The following TMEM178B variants were observed in gnomAD, a reference collection of about 807,000 sequenced individuals.
TMEM178B encodes transmembrane protein 178B.
A neutral mutation model predicts 31.0 loss-of-function variants in TMEM178B; 5 were observed. The ratio of observed to expected loss-of-function variants is 0.16; its 90% CI spans 0.08 to 0.34. The LOEUF (loss-of-function observed/expected upper bound fraction) is 0.34. TMEM178B is among the 10% of genes least tolerant of loss of function. TMEM178B has a pLI of 1.00. For missense variants in TMEM178B, 275 were observed against 400.3 expected, an observed-to-expected ratio of 0.69 and a Z score of 2.67; for synonymous variants, 164 against 164.0, an observed-to-expected ratio of 1.00 and a Z score of 0.00.
intron 1 of TMEM178B, among the ~76,000 whole-genome samples, chr7:141,134,785 AC>A (rs1795648378): frequency 3.3e-5 from 5 of 152,238 alleles, no homozygotes; most frequent in Admixed American, 3.3e-4. Context: ...AACTCACTTC[AC>A]CTGTAAAGAC....
At chr7:141,434,745 T>G (rs1801503091) in intron 2 of TMEM178B, among the ~76,000 whole-genome samples, 1 of 152,344 alleles carries the variant, frequency 6.6e-6, no homozygotes, top group African/African-American at 2.4e-5. Context: ...TGTATGTTTG[T>G]GCCCATTAAC....
intron 2 of TMEM178B, among the ~76,000 whole-genome samples, chr7:141,231,946 C>T (rs992148779): frequency 6.6e-6 from 1 of 152,208 alleles, no homozygotes; most frequent in African/African-American, 2.4e-5. Flanking sequence ...CTTCCTGATG[C>T]TGTCCCTCCC....
At chr7:141,362,504 C>CTT (rs142863722) in intron 2 of TMEM178B, among the ~76,000 whole-genome samples, 1 of 149,786 alleles carries the variant, frequency 6.7e-6, no homozygotes, top group African/African-American at 2.5e-5. Flanking sequence ...AACACATGCA[C>CTT]TTTTTTTTTT....
At chr7:141,162,176 C>G (rs1436662937) in intron 1 of TMEM178B, among the ~76,000 whole-genome samples, 1 of 152,232 alleles carries the variant, frequency 6.6e-6, no homozygotes, top group Non-Finnish European at 1.5e-5. Context: ...AAACAAGAAG[C>G]CATCTCTGAT....
At chr7:141,099,122 C>T (rs1163522122) in intron 1 of TMEM178B, among the ~76,000 whole-genome samples, 1 of 152,186 alleles carries the variant, frequency 6.6e-6, no homozygotes, top group Non-Finnish European at 1.5e-5. Flanking sequence ...GAGATCCCAG[C>T]CTCCTCCTTC....
intron 2 of TMEM178B, among the ~76,000 whole-genome samples, chr7:141,223,479 C>CTTTTTTTTTTTTTTTTTTTTTTTTTTT (rs10680431): frequency 1.5e-5 from 2 of 131,160 alleles, no homozygotes; most frequent in African/African-American, 6.1e-5. Flanking sequence ...TGTTTTCACT[C>CTTTTTTTTTTTTTTTTTTTTTTTTTTT]TTTTTTTTTT....
chr7:141,337,930 C>T (rs1028173517), intron 2 of TMEM178B, among the ~76,000 whole-genome samples: 10 of 152,114 alleles, frequency 6.6e-5, no homozygotes, highest in Middle Eastern at 3.2e-3. Context: ...CTCTGCCTCC[C>T]GGGTTCACAC....
intron 3 of TMEM178B, among the ~76,000 whole-genome samples, chr7:141,467,686 A>G (rs1192120775): frequency 6.6e-6 from 1 of 152,194 alleles, no homozygotes; most frequent in African/African-American, 2.4e-5. Context: ...CTCAGCTCTG[A>G]AAACAGTGCT....
At chr7:141,360,785 G>T (rs1250464917) in intron 2 of TMEM178B, among the ~76,000 whole-genome samples, 1 of 152,136 alleles carries the variant, frequency 6.6e-6, no homozygotes, top group African/African-American at 2.4e-5. Context: ...ATTTCCATCT[G>T]GGATTTAGGT....
intron 1 of TMEM178B, among the ~76,000 whole-genome samples, chr7:141,185,896 C>T (rs2129184419): frequency 6.6e-6 from 1 of 152,168 alleles, no homozygotes; most frequent in African/African-American, 2.4e-5. Flanking sequence ...ATATTAAATG[C>T]CTCAATCAGA....
chr7:141,360,908 A>C (rs1799907369), intron 2 of TMEM178B, among the ~76,000 whole-genome samples: 1 of 152,122 alleles, frequency 6.6e-6, no homozygotes, highest in Admixed American at 6.5e-5. Context: ...GTGGAAGAAA[A>C]AAAAAAGTGA....
chr7:141,369,308 C>T (rs889254105), intron 2 of TMEM178B, among the ~76,000 whole-genome samples: 15 of 146,784 alleles, frequency 1.0e-4, no homozygotes, highest in Admixed American at 2.1e-4. Flanking sequence ...TCTGTCTCTC[C>T]GCGCCGACGT....
intron 3 of TMEM178B, among the ~76,000 whole-genome samples, chr7:141,456,388 T>C (rs796731992): frequency 2.6e-5 from 4 of 152,264 alleles, no homozygotes; most frequent in African/African-American, 9.6e-5. Flanking sequence ...TAGTGTACAC[T>C]TTCCACAAAA....
chr7:141,258,766 C>G (rs956577653), intron 2 of TMEM178B, among the ~76,000 whole-genome samples: 1 of 152,140 alleles, frequency 6.6e-6, no homozygotes, highest in Non-Finnish European at 1.5e-5. Flanking sequence ...TTCTTTCTTT[C>G]AGCCTTTAAA....
chr7:141,215,992 G>A (rs1729829139), intron 2 of TMEM178B, among the ~76,000 whole-genome samples: 2 of 148,424 alleles, frequency 1.3e-5, no homozygotes. Flanking sequence ...CACCATGCCT[G>A]TATAATTTTT....
At chr7:141,492,848 G>A in the TMEM178B span, among the ~76,000 whole-genome samples, 1 of 152,050 alleles carries the variant, frequency 6.6e-6, no homozygotes, top group Non-Finnish European at 1.5e-5. Context: ...TCCCACCTGT[G>A]CTTCAAAAAT....
chr7:141,107,515 A>G (rs1221376636), intron 1 of TMEM178B, among the ~76,000 whole-genome samples: 1 of 152,104 alleles, frequency 6.6e-6, no homozygotes, highest in Non-Finnish European at 1.5e-5. Flanking sequence ...GGATTTTCTG[A>G]TGGATTGAGT....
chr7:141,249,405 A>G (rs1415394652), intron 2 of TMEM178B, among the ~76,000 whole-genome samples: 3 of 152,226 alleles, frequency 2.0e-5, no homozygotes, highest in Non-Finnish European at 4.4e-5. Flanking sequence ...TAAATTGCCC[A>G]GTCTCAGGTA....
At chr7:141,379,511 G>C (rs1254584647) in intron 2 of TMEM178B, among the ~76,000 whole-genome samples, 2 of 152,010 alleles carry the variant, frequency 1.3e-5, no homozygotes, top group Non-Finnish European at 2.9e-5. Flanking sequence ...TGTCTAGAGT[G>C]CCCCTCAGCA....
Sources: gnomAD v4.1 joint callset for allele counts (sites outside exome capture counted in the v4.1 genomes callset) on GRCh38, gnomAD v4.1.1 for gene constraint, MANE v1.5 for transcripts, NCBI Gene and HGNC (gene_info 2026-07-23, HGNC 2026-07-21) for gene names.